Variants in STARD13 observed in about 807,000 individuals in gnomAD.
The protein encoded by STARD13 is StAR related lipid transfer domain containing 13, also known as stAR-related lipid transfer protein 13.
STARD13 carries 62 observed loss-of-function variants against 106.4 expected under a neutral mutation model. The ratio of observed to expected loss-of-function variants is 0.58; its 90% CI spans 0.48 to 0.72. STARD13 has a LOEUF of 0.72. Ranked by LOEUF, STARD13 falls within the 30% of genes least tolerant of loss-of-function variation. STARD13 has a pLI of 0.00. For missense variants in STARD13, 1,387 were observed against 1,424.0 expected (o/e 0.97, Z 0.42); for synonymous variants, 565 against 553.0 (o/e 1.02, Z -0.31).
At chr13:33,255,108 C>T (rs990228842) in intron 1 of STARD13, among the ~76,000 whole-genome samples, 12 of 151,254 alleles carry the variant, frequency 7.9e-5, no homozygotes, top group South Asian at 2.1e-4. Flanking sequence ...TCCCCCCCCC[C>T]TCAGAGGCTT....
chr13:33,478,368 T>A, the STARD13 span, among the ~76,000 whole-genome samples: 2 of 152,270 alleles, frequency 1.3e-5, no homozygotes, highest in South Asian at 4.1e-4. Flanking sequence ...ACCACTAAAA[T>A]TACTATTGAG....
At chr13:33,177,258 G>A (rs993082220) in intron 1 of STARD13, among the ~76,000 whole-genome samples, 1 of 152,164 alleles carries the variant, frequency 6.6e-6, no homozygotes, top group Non-Finnish European at 1.5e-5. Flanking sequence ...TTGAATAAGA[G>A]ATAAAAGTGG....
intron 1 of STARD13, among the ~76,000 whole-genome samples, chr13:33,341,357 G>A (rs2138593189): frequency 6.6e-6 from 1 of 152,204 alleles, no homozygotes; most frequent in Admixed American, 6.5e-5. Flanking sequence ...TTCCGTGAAC[G>A]GCATGGCGCG....
chr13:33,543,400 A>C, the STARD13 span, among the ~76,000 whole-genome samples: 37 of 152,334 alleles, frequency 2.4e-4, no homozygotes, highest in African/African-American at 8.7e-4. Context: ...ATTCGTTTGC[A>C]TGTCACGTTT....
chr13:33,139,691 G>T lies in STARD13; in HGVS notation c.387+2619C>A, dbSNP rs9568893. 1.5e-3 allele frequency among the ~76,000 whole-genome samples: 229 copies of T among 152,202 alleles called. 6 individuals are homozygous for T. In the East Asian group the frequency reaches 0.033, roughly 22 times the overall value. ...GGCTGGAGCTTTTCACGGGGTGCTCGATTCTCAAGTCTCCTTTTCTATTTG... is the reference window on the plus strand; with the variant it reads ...GGCTGGAGCTTTTCACGGGGTGCTCTATTCTCAAGTCTCCTTTTCTATTTG... On this transcript the variant is annotated intron_variant, in intron 4 of 13. Transcript: ENST00000336934.
chr13:33,445,890 C>G, the STARD13 span, among the ~76,000 whole-genome samples: 2 of 152,214 alleles, frequency 1.3e-5, no homozygotes, highest in African/African-American at 2.4e-5. Context: ...GCCTCTGTGA[C>G]CCAGACACCT....
chr13:33,422,581 T>G, the STARD13 span, among the ~76,000 whole-genome samples: 1 of 152,080 alleles, frequency 6.6e-6, no homozygotes, highest in East Asian at 1.9e-4. Flanking sequence ...TTCACAGAAC[T>G]GGAAAAAAAT....
At chr13:33,621,435 T>C in the STARD13 span, among the ~76,000 whole-genome samples, 1 of 152,078 alleles carries the variant, frequency 6.6e-6, no homozygotes, top group Non-Finnish European at 1.5e-5. Context: ...CCCAGCACTT[T>C]GGGAGGCCGA....
chr13:33,285,615 G>C lies in STARD13; in HGVS notation c.24C>G (p.Thr8=). The change falls in exon 1 of 14, where the codon ACC becomes ACG. Residue 8 remains threonine (T), a synonymous_variant. Transcript: ENST00000336934. MFSQVPR[T]PASGCYYLNS... The stretch of plus-strand genomic sequence containing the variant: ...TTAGGTAGTAGCAGCCTGAGGCTGG[G>C]GTCCTGGGCACCTGACTGAACATCT... The C allele has an allele frequency of 5.0e-6, 8 of 1,613,372 alleles. No individual in the cohort carries two copies. The highest frequency in any genetic ancestry group is 2.2e-5 in the South Asian group (2 of 91,056).
Position 33,112,871 on chromosome 13 carries a change from T to C in STARD13, c.2342A>G (p.Glu781Gly). 2 of 1,613,574 alleles carry C rather than the reference T, an allele frequency of 1.2e-6. No homozygotes were observed. The highest frequency in any genetic ancestry group is 4.5e-5 in the East Asian group (2 of 44,870). Reference sequence around the variant, plus strand: ...GAGCGTCTGCAGGACCTCCCTGTTCTCATCGGCCAGTAGCAGGATGGCAGC... The same window carrying C: ...GAGCGTCTGCAGGACCTCCCTGTTCCCATCGGCCAGTAGCAGGATGGCAGC... Reference protein sequence around the residue: ...VQAAILLLADENREVLQTLLC... With the variant: ...VQAAILLLADGNREVLQTLLC... Residue 781 changes from glutamate (E) to glycine (G), a missense_variant, in exon 9 of 14, where the codon GAG (glutamate) becomes GGG (glycine). Coordinates refer to ENST00000336934, the MANE Select transcript of STARD13 (RefSeq NM_178006.4).
chr13:33,639,386 G>A, the STARD13 span, among the ~76,000 whole-genome samples: 2 of 152,190 alleles, frequency 1.3e-5, no homozygotes, highest in African/African-American at 4.8e-5. Context: ...AGTTGCACAA[G>A]AACAGCCGTG....
intron 1 of STARD13, among the ~76,000 whole-genome samples, chr13:33,297,527 G>A (rs1172424438): frequency 1.3e-5 from 2 of 151,726 alleles, no homozygotes; most frequent in African/African-American, 4.8e-5. Flanking sequence ...CTGTTAATCA[G>A]CCAGTGCATT....
chr13:33,221,811 A>C (rs1888371969), intron 1 of STARD13, among the ~76,000 whole-genome samples: 1 of 152,222 alleles, frequency 6.6e-6, no homozygotes, highest in Non-Finnish European at 1.5e-5. Context: ...AATGGATAAA[A>C]AAATGTGGTA....
At chr13:33,459,914 C>A in the STARD13 span, among the ~76,000 whole-genome samples, 3 of 152,114 alleles carry the variant, frequency 2.0e-5, no homozygotes, top group African/African-American at 7.2e-5. Context: ...AAATGTGATG[C>A]CATTCTAACC....
At chr13:33,580,088 T>C in the STARD13 span, among the ~76,000 whole-genome samples, 1 of 152,136 alleles carries the variant, frequency 6.6e-6, no homozygotes, top group Admixed American at 6.5e-5. Context: ...TGAAAACTTA[T>C]ATTTACACAA....
intron 2 of STARD13, among the ~76,000 whole-genome samples, chr13:33,166,659 T>C (rs1470874125): frequency 1.3e-5 from 2 of 152,166 alleles, no homozygotes; most frequent in African/African-American, 4.8e-5. Context: ...GTTATAACTT[T>C]AGATATAAGG....
the STARD13 span, among the ~76,000 whole-genome samples, chr13:33,667,532 G>A: frequency 6.6e-6 from 1 of 152,226 alleles, no homozygotes; most frequent in Non-Finnish European, 1.5e-5. Flanking sequence ...TTGTGTGTAT[G>A]TGTGAATGTG....
chr13:33,196,581 G>A (rs1289057770), intron 1 of STARD13, among the ~76,000 whole-genome samples: 1 of 152,130 alleles, frequency 6.6e-6, no homozygotes, highest in African/African-American at 2.4e-5. Flanking sequence ...CTTGCTTTCA[G>A]TACTGCCCTA....
the STARD13 span, among the ~76,000 whole-genome samples, chr13:33,381,973 C>T: frequency 4.6e-5 from 7 of 152,158 alleles, no homozygotes; most frequent in African/African-American, 1.4e-4. Flanking sequence ...CCTACAGAGA[C>T]GGAACTGACT....
Sources: gnomAD v4.1 joint callset for allele counts (sites outside exome capture counted in the v4.1 genomes callset) on GRCh38, gnomAD v4.1.1 for gene constraint, MANE v1.5 for transcripts, NCBI Gene and HGNC (gene_info 2026-07-23, HGNC 2026-07-21) for gene names.